CSMD1: variants seen among roughly 807,000 people sequenced by gnomAD.
CSMD1 encodes the protein CUB and Sushi multiple domains 1, also known as CUB and sushi domain-containing protein 1.
A neutral mutation model predicts 417.5 loss-of-function variants in CSMD1; 213 were observed. The ratio of observed to expected loss-of-function variants is 0.51; its 90% CI spans 0.46 to 0.57. CSMD1 has a LOEUF of 0.57. CSMD1 is among the 20% of genes least tolerant of loss of function. The pLI is 0.00. For missense variants in CSMD1, 6,923 were observed against 4,529.7 expected, an observed-to-expected ratio of 1.53 and a Z score of -15.17; for synonymous variants, 2,862 against 1,736.8, an observed-to-expected ratio of 1.65 and a Z score of -16.11.
intron 36 of CSMD1, among the ~76,000 whole-genome samples, chr8:3,187,381 G>C (rs1418599030): frequency 1.3e-5 from 2 of 152,152 alleles, no homozygotes; most frequent in Non-Finnish European, 2.9e-5. Flanking sequence ...ATTCGTGAGA[G>C]TCGGAGGTGC....
At chr8:4,511,483 T>A (rs1343319902) in intron 2 of CSMD1, among the ~76,000 whole-genome samples, 2 of 152,204 alleles carry the variant, frequency 1.3e-5, no homozygotes, top group African/African-American at 2.4e-5. Context: ...CTGTTCAGCA[T>A]GTAAGAAGCT....
intron 5 of CSMD1, among the ~76,000 whole-genome samples, chr8:3,839,941 C>T (rs1803011190): frequency 1.3e-5 from 2 of 151,952 alleles, no homozygotes. Flanking sequence ...TGATCTTCTG[C>T]TCTGGATATT....
At chr8:3,471,306 T>C (rs1817082428) in intron 11 of CSMD1, among the ~76,000 whole-genome samples, 1 of 152,202 alleles carries the variant, frequency 6.6e-6, no homozygotes, top group South Asian at 2.1e-4. Flanking sequence ...TTTTCCTCCT[T>C]TTAAATACTG....
intron 2 of CSMD1, among the ~76,000 whole-genome samples, chr8:4,578,735 A>T (rs1255195596): frequency 6.8e-6 from 1 of 146,150 alleles, no homozygotes; most frequent in Non-Finnish European, 1.5e-5. Flanking sequence ...AATTGCTTGA[A>T]CCTGGGAGGG....
chr8:3,568,697 A>G (rs1307297115), intron 10 of CSMD1, among the ~76,000 whole-genome samples: 1 of 152,126 alleles, frequency 6.6e-6, no homozygotes, highest in African/African-American at 2.4e-5. Context: ...ATATGTGTAT[A>G]TATAGGTGTG....
intron 41 of CSMD1, among the ~76,000 whole-genome samples, chr8:3,120,796 G>A (rs1817160920): frequency 6.6e-6 from 1 of 152,000 alleles, no homozygotes; most frequent in African/African-American, 2.4e-5. Context: ...GCAGTGAGCC[G>A]AGATCACGCC....
chr8:4,329,543 C>A (rs895285979), intron 3 of CSMD1, among the ~76,000 whole-genome samples: 1 of 152,120 alleles, frequency 6.6e-6, no homozygotes, highest in Non-Finnish European at 1.5e-5. Context: ...CTTCCTTGGC[C>A]TCCCAAATTG....
intron 38 of CSMD1, among the ~76,000 whole-genome samples, chr8:3,160,442 A>T (rs560953018): frequency 1.3e-5 from 2 of 152,148 alleles, no homozygotes; most frequent in Non-Finnish European, 2.9e-5. Context: ...TCTTTCTGAC[A>T]TATCAGGTGG....
chr8:3,631,551 T>G (rs1198347185), intron 7 of CSMD1, among the ~76,000 whole-genome samples: 2 of 152,146 alleles, frequency 1.3e-5, no homozygotes, highest in Non-Finnish European at 2.9e-5. Context: ...ATAGAAAGGT[T>G]TGCAAACAGT....
At chr8:2,959,821 A>T (rs1365602366) in intron 62 of CSMD1, among the ~76,000 whole-genome samples, 1 of 152,214 alleles carries the variant, frequency 6.6e-6, no homozygotes, top group Non-Finnish European at 1.5e-5. Context: ...TAAAGGAAGA[A>T]ATAAAAACAT....
rs559051858 is a variant in CSMD1, at chr8:4,207,116, G to C, written c.416-175017C>G. On this transcript the variant is annotated intron_variant, in intron 3 of 69. Coordinates refer to ENST00000635120, the MANE Select transcript of CSMD1 (RefSeq NM_033225.6). ...AAAGTGTTTTCTCATTTTCTAAATAGTCTTAAAAATAGGACAGTTGGTAAA... is the reference window on the plus strand; with the variant it reads ...AAAGTGTTTTCTCATTTTCTAAATACTCTTAAAAATAGGACAGTTGGTAAA... Among the ~76,000 whole-genome samples the C allele has an allele frequency of 6.1e-4, 93 of 152,196 alleles. 1 individual carries two copies. The South Asian group carries it at 0.013, about 21-fold the overall frequency.
At chr8:4,479,721 C>T (rs947593002) in intron 2 of CSMD1, among the ~76,000 whole-genome samples, 1 of 151,942 alleles carries the variant, frequency 6.6e-6, no homozygotes, top group African/African-American at 2.4e-5. Context: ...TGGTGAAACC[C>T]CGTCTCTACT....
At chr8:3,452,821 G>T (rs1269904265) in intron 12 of CSMD1, among the ~76,000 whole-genome samples, 1 of 152,194 alleles carries the variant, frequency 6.6e-6, no homozygotes, top group Non-Finnish European at 1.5e-5. Context: ...TCAGGATGAT[G>T]TTGGCCTCAT....
At chr8:3,005,853 A>G (rs1257496626) in intron 52 of CSMD1, among the ~76,000 whole-genome samples, 6 of 152,116 alleles carry the variant, frequency 3.9e-5, no homozygotes, top group African/African-American at 1.4e-4. Context: ...TCCCTTTGAA[A>G]ACGGGCACAA....
chr8:4,026,436 T>G (rs1797069244), intron 4 of CSMD1, among the ~76,000 whole-genome samples: 1 of 152,222 alleles, frequency 6.6e-6, no homozygotes, highest in African/African-American at 2.4e-5. Flanking sequence ...TAGCTGACTG[T>G]TATGTCAACT....
chr8:4,700,995 G>A (rs1231408926), intron 1 of CSMD1, among the ~76,000 whole-genome samples: 2 of 152,144 alleles, frequency 1.3e-5, no homozygotes, highest in African/African-American at 2.4e-5. Flanking sequence ...AGTGAGTTTA[G>A]GAGCTGGGGT....
At chr8:3,268,043 C>G (rs565001648) in intron 26 of CSMD1, among the ~76,000 whole-genome samples, 1 of 152,002 alleles carries the variant, frequency 6.6e-6, no homozygotes, top group Non-Finnish European at 1.5e-5. Context: ...TTATGAGGGA[C>G]GGGCCAATCT....
chr8:4,026,170 C>T (rs967539465), intron 4 of CSMD1, among the ~76,000 whole-genome samples: 3 of 152,108 alleles, frequency 2.0e-5, no homozygotes, highest in Non-Finnish European at 4.4e-5. Context: ...TACACATTTA[C>T]AAGAATTAGA....
chr8:3,116,841 T>C (rs1816904108), intron 42 of CSMD1, among the ~76,000 whole-genome samples: 2 of 152,080 alleles, frequency 1.3e-5, no homozygotes, highest in South Asian at 2.1e-4. Flanking sequence ...GAGGTTTCAA[T>C]CCTGATAATT....
Sources: gnomAD v4.1 joint callset for allele counts (sites outside exome capture counted in the v4.1 genomes callset) on GRCh38, gnomAD v4.1.1 for gene constraint, MANE v1.5 for transcripts, NCBI Gene and HGNC (gene_info 2026-07-23, HGNC 2026-07-21) for gene names.